Variants in DDX5 observed in about 807,000 individuals in gnomAD.
DDX5 encodes the protein probable ATP-dependent RNA helicase DDX5.
DDX5 carries 6 observed loss-of-function variants against 68.6 expected under a neutral mutation model. That is an observed-to-expected ratio of 0.09 (90% CI 0.05 to 0.17). The LOEUF is 0.17. Ranked by LOEUF, DDX5 falls within the 10% of genes least tolerant of loss-of-function variation. DDX5 has a pLI of 1.00. For synonymous variants in DDX5, 350 were observed against 247.0 expected (o/e 1.42, Z -3.91); for missense variants, 499 against 756.1 (o/e 0.66, Z 3.99).
In DDX5 at chr17:64,502,810, T is replaced by C; in HGVS notation, c.983+116A>G. ...CAAGAAATTTTCAGGATTAGTAGGC[T>C]AACTAAATGAAATCACACCAACTGA... On this transcript the variant is annotated intron_variant, in intron 8 of 12. Coordinates refer to ENST00000225792, the MANE Select transcript of DDX5 (RefSeq NM_004396.5). 2 of 1,064,998 alleles carry C rather than the reference T, an allele frequency of 1.9e-6. 1 individual carries two copies. The highest frequency in any genetic ancestry group is 3.4e-5 in the South Asian group (2 of 58,962). The allele number at this position is 1,064,998 out of a possible 1,614,324, so 66.0% of individuals were successfully genotyped here. A position where few individuals can be genotyped will look rare whatever the true frequency, so the allele number is the denominator to read the frequency against.
Position 64,502,544 on chromosome 17 carries a change from A to G in DDX5, c.989T>C (p.Ile330Thr), listed in dbSNP as rs782440358. 6 of 1,604,056 alleles carry G rather than the reference A, an allele frequency of 3.7e-6. No homozygotes were observed. The highest frequency in any genetic ancestry group is 1.7e-5 in the Admixed American group (1 of 59,838). The change falls in exon 9 of 13, where the codon ATT (isoleucine) becomes ACT (threonine). Residue 330 changes from isoleucine (I) to threonine (T), a missense_variant. Around this residue, in one of 5 missense-constraint regions of DDX5, gnomAD observed 141 missense variants for 279.8 expected, o/e 0.50. Coordinates refer to ENST00000225792, the MANE Select transcript of DDX5 (RefSeq NM_004396.5). ...ACTCATGATCTCTTCCATTAGACGA[A>G]TAAGTCTAATAATAGGAGAGAGAAA... is the stretch of plus-strand genomic sequence containing the variant. ...CHDVEKDEKL[I>T]RLMEEIMSEK...
intron 9 of DDX5, 89 bp downstream of exon 9, chr17:64,502,350 T>C (rs1555671250): frequency 2.1e-6 from 3 of 1,447,728 alleles, no homozygotes; most frequent in African/African-American, 2.8e-5. Context: ...CACTATCAGA[T>C]ATGAAAAAAA....
At chr17:64,501,022 C>T in intron 11 of DDX5, 1 of 538,822 alleles carries the variant, frequency 1.9e-6, no homozygotes, top group South Asian at 2.3e-5. Flanking sequence ...ATGTGTGTTC[C>T]CTAAGCACAT....
intron 12 of DDX5, 23 bp from the exon 13 acceptor site, chr17:64,500,349 T>C (rs1555670831): frequency 6.3e-7 from 1 of 1,587,982 alleles, no homozygotes. Flanking sequence ...CAATTGCAAA[T>C]TGATCAATTA....
At position 64,498,303 on chromosome 17, in the gene DDX5, AAC is replaced by A. The variant is rs2038206308; in HGVS notation, c.*1618_*1619del. Among the ~76,000 whole-genome samples, 1 of 152,236 alleles carries A rather than the reference AAC, an allele frequency of 6.6e-6. No individual in the cohort carries two copies. The highest frequency in any genetic ancestry group is 1.5e-5 in the Non-Finnish European group (1 of 68,042). Reference sequence around the variant, plus strand: ...GTTAAGACGACCACAGGCTGGACACAACACACATGCTAAAAAGTGGACTGTCT... The same window carrying A: ...GTTAAGACGACCACAGGCTGGACACAACACATGCTAAAAAGTGGACTGTCT... On this transcript the variant is annotated 3_prime_UTR_variant, in exon 13 of 13. Coordinates refer to ENST00000225792, the MANE Select transcript of DDX5 (RefSeq NM_004396.5).
rs2038335966 is a variant in DDX5, at chr17:64,502,907, C to CA, written c.983+18dup. On this transcript the variant is annotated intron_variant, in intron 8 of 12. Coordinates refer to ENST00000225792, the MANE Select transcript of DDX5 (RefSeq NM_004396.5). ...CAAAGTTGTTAGGAAGCAAATATAA[C>CA]AGAGTTAATAAAACTTACTTTTCAT... 4 of 1,559,476 alleles carry CA rather than the reference C, an allele frequency of 2.6e-6. No individual in the cohort carries two copies. Among genetic ancestry groups the CA allele is most frequent in the Non-Finnish European group, 3.5e-6 (4 of 1,153,564 alleles).
intron 11 of DDX5, chr17:64,501,663 G>A (rs1555671116): frequency 3.2e-6 from 1 of 316,826 alleles, no homozygotes; most frequent in African/African-American, 2.1e-5. Flanking sequence ...GCAAAGCATG[G>A]GACAGAAGAA....
chr17:64,505,989 A>AGCCGCAAAGCC, intron 1 of DDX5, 87 bp downstream of exon 1: 1 of 1,542,640 alleles, frequency 6.5e-7, no homozygotes, highest in Non-Finnish European at 8.7e-7. Flanking sequence ...GCCAAGTCCA[A>AGCCGCAAAGCC]GCCGCAAAGC....
In DDX5 at chr17:64,499,066, G is replaced by GT. The variant is rs2038229406; in HGVS notation, c.*856_*857insA. Among the ~76,000 whole-genome samples the GT allele has an allele frequency of 4.6e-5, 7 of 152,138 alleles. No homozygotes were observed. The highest frequency in any genetic ancestry group is 1.7e-4 in the African/African-American group (7 of 41,424). ...GAAGACTAGAATCTACAAGTAACCT[G>GT]CACTAAGAACGAAATTCAGTAAAGG... On this transcript the variant is annotated 3_prime_UTR_variant, in exon 13 of 13. Transcript: ENST00000225792.
intron 3 of DDX5, 31 bp from the exon 4 acceptor site, chr17:64,504,147 T>C (rs782761319): frequency 8.2e-5 from 133 of 1,613,424 alleles, no homozygotes; most frequent in Non-Finnish European, 1.0e-4. Flanking sequence ...TTAGTAAAAA[T>C]TAGTGATGCC....
chr17:64,505,822 C>CA (rs2038477933), intron 1 of DDX5: 1 of 1,536,072 alleles, frequency 6.5e-7, no homozygotes, highest in African/African-American at 1.4e-5. Context: ...ACTCCCTCAA[C>CA]AGCTACCAAA....
Position 64,503,115 on chromosome 17 carries a change from G to A in DDX5, c.811-17C>T, listed in dbSNP as rs782803789. The A allele has an allele frequency of 5.0e-6, 8 of 1,611,122 alleles. No homozygotes were observed. The highest frequency in any genetic ancestry group is 5.1e-6 in the Non-Finnish European group (6 of 1,178,038). On this transcript the variant is annotated splice_polypyrimidine_tract_variant and intron_variant, in intron 7 of 12. Coordinates refer to ENST00000225792, the MANE Select transcript of DDX5 (RefSeq NM_004396.5). ...CCTATCAGGCTAATGGATTTTGGGGGGAAAAATTAGTATCAGACTCTTAAG... is the reference window on the plus strand; with the variant it reads ...CCTATCAGGCTAATGGATTTTGGGGAGAAAAATTAGTATCAGACTCTTAAG...
rs557766312 is a variant in DDX5, at chr17:64,499,186, CATGAGT to C, written c.*731_*736del. ...CAGTAATTCACAGTATAGCCAAGAG[CATGAGT>C]ATAAGTCTCTTGAAAAAGCCAGTTA... On this transcript the variant is annotated 3_prime_UTR_variant, in exon 13 of 13. Coordinates refer to ENST00000225792, the MANE Select transcript of DDX5 (RefSeq NM_004396.5). Among the ~76,000 whole-genome samples the C allele has an allele frequency of 1.6e-3, 241 of 152,292 alleles. No homozygotes were observed. The highest frequency in any genetic ancestry group is 3.4e-3 in the Middle Eastern group (1 of 294).
At chr17:64,501,094 G>A in intron 11 of DDX5, 2 of 342,686 alleles carry the variant, frequency 5.8e-6, no homozygotes, top group Non-Finnish European at 1.1e-5. Flanking sequence ...CTGCGCAGTA[G>A]GGCCACTTAA....
chr17:64,504,652 G>C lies in DDX5; in HGVS notation c.210+25C>G, dbSNP rs186681358. The C allele has an allele frequency of 1.9e-5, 30 of 1,587,982 alleles. No homozygotes were observed. In the Admixed American group the frequency reaches 4.1e-4, roughly 22 times the overall value. Reference sequence around the variant, plus strand: ...AGAATCCACGATCGAGTTACAGCCTGATGAAGCCACATGAATTTACTCACT... The same window carrying C: ...AGAATCCACGATCGAGTTACAGCCTCATGAAGCCACATGAATTTACTCACT... On this transcript the variant is annotated intron_variant, in intron 2 of 12. Transcript: ENST00000225792.
intron 8 of DDX5, 175 bp downstream of exon 8, chr17:64,502,751 G>A: frequency 1.3e-6 from 1 of 753,896 alleles, no homozygotes. Context: ...CTATAGGAAA[G>A]CTATAAATGG....
At position 64,503,962 on chromosome 17, in the gene DDX5, CA is replaced by C; in HGVS notation, c.441+20del. On this transcript the variant is annotated intron_variant, in intron 4 of 12. Transcript: ENST00000225792. ...TTTTCTTGCATATATCAGATCAACT[CA>C]AGAGTTCTCCCAAACTTACAGACAA... 6.2e-7 allele frequency: 1 copy of C among 1,614,062 alleles called. No individual in the cohort carries two copies. Among genetic ancestry groups the C allele is most frequent in the African/African-American group, 1.3e-5 (1 of 75,016 alleles).
Position 64,499,021 on chromosome 17 carries a change from A to C in DDX5, c.*902T>G, listed in dbSNP as rs193173386. On this transcript the variant is annotated 3_prime_UTR_variant, in exon 13 of 13. Transcript: ENST00000225792. Reference sequence around the variant, plus strand: ...TTCATGACTCCCAGTGTGACTAGTTAAGAGCCCCAGGGAGCCTGTGAAGAC... The same window carrying C: ...TTCATGACTCCCAGTGTGACTAGTTCAGAGCCCCAGGGAGCCTGTGAAGAC... Among the ~76,000 whole-genome samples, 165 of 152,344 alleles carry C rather than the reference A, an allele frequency of 1.1e-3. 2 individuals carry two copies. Among genetic ancestry groups the C allele is most frequent in the East Asian group, 1.3e-3 (7 of 5,186 alleles).
Position 64,500,179 on chromosome 17 carries a change from G to A in DDX5, c.1589C>T (p.Thr530Ile). Reference sequence around the variant, plus strand: ...TGCAGCACTGTAAACACCATTCTGAGTTTTTGCCCCAAAATCTCTTTTAAG... The same window carrying A: ...TGCAGCACTGTAAACACCATTCTGAATTTTTGCCCCAAAATCTCTTTTAAG... The part of the protein sequence containing the change: ...SLLKRDFGAK[T>I]QNGVYSAANY... Residue 530 changes from threonine to isoleucine, a missense_variant, in exon 13 of 13, where the codon ACT becomes ATT. By Grantham distance (89) the Thr-to-Ile change is moderately conservative. Transcript: ENST00000225792. 1.2e-6 allele frequency: 2 copies of A among 1,614,150 alleles called. No homozygotes were observed. Among genetic ancestry groups the A allele is most frequent in the Non-Finnish European group, 8.5e-7 (1 of 1,180,030 alleles).
Sources: gnomAD v4.1 joint callset for allele counts (sites outside exome capture counted in the v4.1 genomes callset) on GRCh38, gnomAD v4.1.1 for gene constraint, gnomAD v4.1.1 regional missense constraint, MANE v1.5 for transcripts, NCBI Gene and HGNC (gene_info 2026-07-23, HGNC 2026-07-21) for gene names.